MICAL2: variants seen among roughly 807,000 people sequenced by gnomAD.
MICAL2 encodes the protein [F-actin]-monooxygenase MICAL2.
MICAL2 carries 77 observed loss-of-function variants against 127.3 expected under a neutral mutation model. The ratio of observed to expected loss-of-function variants is 0.60; its 90% CI spans 0.50 to 0.73. MICAL2 has a LOEUF of 0.73. MICAL2 is among the 30% of genes least tolerant of loss of function. MICAL2 has a pLI of 0.00. For missense variants in MICAL2, 1,351 were observed against 1,434.4 expected, an observed-to-expected ratio of 0.94 and a Z score of 0.94; for synonymous variants, 570 against 551.1, an observed-to-expected ratio of 1.03 and a Z score of -0.48.
rs3763823 is a variant in MICAL2, at chr11:12,204,399, T to G, written c.414T>G (p.Arg138=). 946,006 of 1,613,812 alleles carry G rather than the reference T, an allele frequency of 0.59. 281,223 individuals carry two copies. The highest frequency in any genetic ancestry group is 0.85 in the African/African-American group (63,758 of 74,994). ...GGCCTTTCACCATCCATGACCTTCG[T>G]GGCCTGGGAGCCAAGAAGTTCTATG... ...HLWPFTIHDL[R]GLGAKKFYGK... The change falls in exon 4 of 28, where the codon CGT becomes CGG. Residue 138 remains arginine, a synonymous_variant. Coordinates refer to ENST00000683283, the MANE Select transcript of MICAL2 (RefSeq NM_001282663.2).
chr11:12,228,618 A>G (rs771725230), intron 15 of MICAL2, among the ~76,000 whole-genome samples: 55 of 152,224 alleles, frequency 3.6e-4, no homozygotes, highest in Non-Finnish European at 6.2e-4. Flanking sequence ...TGGCAGAGGC[A>G]GAGCAGCCAG....
chr11:12,116,422 A>G (rs529691571), intron 1 of MICAL2, among the ~76,000 whole-genome samples: 1 of 143,800 alleles, frequency 7.0e-6, no homozygotes, highest in South Asian at 2.2e-4. Flanking sequence ...AATGACACAG[A>G]GTGCTAAGAC....
chr11:12,325,113 T>G (rs1187062718), intron 31 of MICAL2, among the ~76,000 whole-genome samples: 4 of 152,168 alleles, frequency 2.6e-5, no homozygotes, highest in Non-Finnish European at 4.4e-5. Flanking sequence ...TTTTGTTTTT[T>G]GGTTTTTTAT....
At chr11:12,153,688 A>T (rs953727140) in intron 2 of MICAL2, among the ~76,000 whole-genome samples, 2 of 152,122 alleles carry the variant, frequency 1.3e-5, no homozygotes, top group African/African-American at 4.8e-5. Context: ...GCACCTATTT[A>T]ATAATAACTC....
In MICAL2 at chr11:12,256,806, C is replaced by A; in HGVS notation, c.2977C>A (p.Pro993Thr). Reference protein sequence around the residue: ...PDLESMRKSFPLNLGGSDTCY... With the variant: ...PDLESMRKSFTLNLGGSDTCY... ...CCAGGAATCTATGCGAAAGTCATTT[C>A]CCCTTAACCTGGGAGGCAGCGACAC... The change falls in exon 24 of 28, where the codon CCC becomes ACC. Residue 993 changes from proline to threonine, a missense_variant. This residue lies in a region of MICAL2 where 752 missense variants were observed against 719.4 expected (regional missense o/e 1.05). Coordinates refer to ENST00000683283, the MANE Select transcript of MICAL2 (RefSeq NM_001282663.2). 1 of 1,612,928 alleles carries A rather than the reference C, an allele frequency of 6.2e-7. No homozygotes were observed. The highest frequency in any genetic ancestry group is 8.5e-7 in the Non-Finnish European group (1 of 1,179,292).
intron 2 of MICAL2, among the ~76,000 whole-genome samples, chr11:12,145,717 TC>T (rs113909419): frequency 9.2e-5 from 14 of 152,314 alleles, no homozygotes; most frequent in African/African-American, 3.1e-4. Flanking sequence ...GGCTCACCTG[TC>T]CATGCAGGTG....
chr11:12,139,225 G>A lies in MICAL2; in HGVS notation c.-78+765G>A, dbSNP rs1308000470. ...TGGCACCCCTCCTCCCTCCTCCTCT[G>A]CCCTGCTCCTGTATTCAGCAATCAG... On this transcript the variant is annotated intron_variant, in intron 2 of 27. Transcript: ENST00000683283. Among the ~76,000 whole-genome samples, 11 of 152,228 alleles carry A rather than the reference G, an allele frequency of 7.2e-5. 1 individual carries two copies. The East Asian group carries it at 2.1e-3, about 29-fold the overall frequency.
chr11:12,339,345 A>G (rs1252319710), intron 32 of MICAL2, among the ~76,000 whole-genome samples: 3 of 151,948 alleles, frequency 2.0e-5, no homozygotes, highest in African/African-American at 4.8e-5. Flanking sequence ...CTAGTTAGCC[A>G]TTCATCTAAT....
intron 33 of MICAL2, among the ~76,000 whole-genome samples, chr11:12,350,808 A>G (rs550741413): frequency 6.6e-5 from 10 of 152,324 alleles, no homozygotes; most frequent in African/African-American, 2.4e-4. Flanking sequence ...ACAAATTGCC[A>G]CAGACTGGAT....
intron 2 of MICAL2, among the ~76,000 whole-genome samples, chr11:12,281,520 G>A (rs576067676): frequency 6.6e-6 from 1 of 152,302 alleles, no homozygotes; most frequent in Admixed American, 6.5e-5. Flanking sequence ...AGCCCTGGAT[G>A]GCATCATCTC....
At chr11:12,277,058 A>G (rs1375918531) in intron 1 of MICAL2, among the ~76,000 whole-genome samples, 1 of 152,072 alleles carries the variant, frequency 6.6e-6, no homozygotes, top group Non-Finnish European at 1.5e-5. Context: ...ACGATTGTGT[A>G]AAAAAGTAGA....
intron 1 of MICAL2, among the ~76,000 whole-genome samples, chr11:12,130,396 G>C (rs1851316024): frequency 6.6e-6 from 1 of 152,178 alleles, no homozygotes; most frequent in African/African-American, 2.4e-5. Context: ...GAGGCCACAG[G>C]GCAGAGGGAT....
chr11:12,235,460 G>T (rs953512877), intron 15 of MICAL2, among the ~76,000 whole-genome samples: 1 of 152,092 alleles, frequency 6.6e-6, no homozygotes, highest in Non-Finnish European at 1.5e-5. Context: ...AGTGAAGGGG[G>T]CACTGTTAAC....
intron 3 of MICAL2, among the ~76,000 whole-genome samples, chr11:12,186,669 A>T (rs1858329831): frequency 1.3e-5 from 2 of 152,144 alleles, no homozygotes; most frequent in African/African-American, 2.4e-5. Context: ...AATAGGAGAG[A>T]TGGACCCAGG....
chr11:12,130,580 G>A (rs999058533), intron 1 of MICAL2, among the ~76,000 whole-genome samples: 74 of 152,178 alleles, frequency 4.9e-4, no homozygotes, highest in Non-Finnish European at 9.4e-4. Context: ...AAAGTTTATT[G>A]AGGAAGTACC....
intron 32 of MICAL2, among the ~76,000 whole-genome samples, chr11:12,346,454 G>T (rs945784322): frequency 1.3e-5 from 2 of 152,190 alleles, no homozygotes; most frequent in East Asian, 3.9e-4. Context: ...TCCCAAGTCT[G>T]AGTTTAAAGT....
rs373728773 is a variant in MICAL2 at position 12,237,506 on chromosome 11, C to T, written c.2064+1261C>T. On this transcript the variant is annotated intron_variant, in intron 16 of 27. Coordinates refer to ENST00000683283, the MANE Select transcript of MICAL2 (RefSeq NM_001282663.2). ...ATTCCCAAGAAGCTTCCCTTGGGTACACTTTGTCTCAGGTGGAAGTCTTTT... is the reference window on the plus strand; with the variant it reads ...ATTCCCAAGAAGCTTCCCTTGGGTATACTTTGTCTCAGGTGGAAGTCTTTT... 1.1e-3 allele frequency among the ~76,000 whole-genome samples: 169 copies of T among 152,298 alleles called. 2 individuals carry two copies. In the South Asian group the frequency reaches 0.034, roughly 30 times the overall value.
chr11:12,248,252 G>T (rs1310276191), intron 21 of MICAL2, among the ~76,000 whole-genome samples: 1 of 152,174 alleles, frequency 6.6e-6, no homozygotes, highest in Admixed American at 6.5e-5. Flanking sequence ...AGTCTTGAGG[G>T]CTCTCACGGG....
intron 6 of MICAL2, 68 bp downstream of exon 6, chr11:12,209,666 T>C (rs1855190402): frequency 2.1e-6 from 3 of 1,397,546 alleles, no homozygotes; most frequent in Admixed American, 1.7e-5. Flanking sequence ...TGGGGAAGAG[T>C]TGGAGAAAGT....
Sources: allele counts gnomAD v4.1 joint callset (sites outside exome capture counted in the v4.1 genomes callset), GRCh38; gene constraint gnomAD v4.1.1; regional missense constraint gnomAD v4.1.1; transcripts MANE v1.5; gene names NCBI Gene and HGNC (gene_info 2026-07-23, HGNC 2026-07-21).